TNRC6B: variants seen among roughly 807,000 people sequenced by gnomAD.
TNRC6B encodes trinucleotide repeat-containing gene 6B protein.
In TNRC6B, 52 loss-of-function variants were observed where a neutral mutation model predicts 203.6. The observed-to-expected ratio is 0.26, with a 90% CI of 0.20 to 0.32. The LOEUF (loss-of-function observed/expected upper bound fraction) is 0.32. TNRC6B is among the 10% of genes least tolerant of loss of function. The pLI is 1.00. For missense variants in TNRC6B, 1,923 were observed against 2,286.2 expected (o/e 0.84, Z 3.24); for synonymous variants, 838 against 845.7 (o/e 0.99, Z 0.16).
intron 12 of TNRC6B, among the ~76,000 whole-genome samples, chr22:40,287,123 C>T (rs576317516): frequency 6.6e-6 from 1 of 152,232 alleles, no homozygotes; most frequent in South Asian, 2.1e-4. Flanking sequence ...AGTCCTCCCT[C>T]CTCAGCCTCC....
rs531016657 is a variant in TNRC6B at position 40,266,876 on chromosome 22, A to T, written c.2646A>T (p.Ser882=). 3.7e-6 allele frequency: 6 copies of T among 1,614,004 alleles called. No individual in the cohort carries two copies. The South Asian group carries it at 5.5e-5, about 15-fold the overall frequency. The part of the protein sequence containing the change: ...PSGWEEPSPQ[S]ISRKMDIDDG... ...GTTGGGAAGAGCCATCCCCACAGTCAATTAGTCGGAAAATGGACATTGATG... is the reference window on the plus strand; with the variant it reads ...GTTGGGAAGAGCCATCCCCACAGTCTATTAGTCGGAAAATGGACATTGATG... Residue 882 remains serine, a synonymous_variant, in exon 5 of 23, where the codon TCA becomes TCT. Transcript: ENST00000454349.
intron 1 of TNRC6B, among the ~76,000 whole-genome samples, chr22:40,193,518 C>T (rs768620585): frequency 6.6e-6 from 1 of 152,192 alleles, no homozygotes; most frequent in East Asian, 1.9e-4. Context: ...GCATTGAAGG[C>T]GTGAGGATGA....
intron 1 of TNRC6B, among the ~76,000 whole-genome samples, chr22:40,203,257 G>C (rs2069437072): frequency 1.3e-5 from 2 of 152,090 alleles, no homozygotes; most frequent in African/African-American, 4.8e-5. Context: ...GTCACAGCAT[G>C]CCAGGCTTAC....
At chr22:40,138,033 C>T (rs2068615402) in intron 3 of TNRC6B, among the ~76,000 whole-genome samples, 2 of 150,126 alleles carry the variant, frequency 1.3e-5, no homozygotes, top group African/African-American at 4.9e-5. Flanking sequence ...GAAATGATTA[C>T]CAACAGGCTG....
intron 2 of TNRC6B, among the ~76,000 whole-genome samples, chr22:40,117,860 T>G (rs1980422677): frequency 6.6e-6 from 1 of 152,182 alleles, no homozygotes; most frequent in Non-Finnish European, 1.5e-5. Context: ...TATTTTATAT[T>G]AAAGTTGTTT....
At chr22:40,054,156 CAGT>C (rs2067773511) in intron 1 of TNRC6B, among the ~76,000 whole-genome samples, 1 of 152,192 alleles carries the variant, frequency 6.6e-6, no homozygotes, top group African/African-American at 2.4e-5. Flanking sequence ...GCAGAGGTTG[CAGT>C]CAGCCGAGAT....
rs760072136 is a variant in TNRC6B, at chr22:40,300,523, C to T, written c.3777C>T (p.Pro1259=). The T allele has an allele frequency of 2.9e-5, 47 of 1,613,106 alleles. 1 individual carries two copies. The highest frequency in any genetic ancestry group is 7.6e-6 in the Non-Finnish European group (9 of 1,179,654). ...GTCCAGGTCTTTTCAATGTGGGGCC[C>T]CAGTTATCTCCTCAACAAATTGCCA... is the stretch of plus-strand genomic sequence containing the variant. The part of the protein sequence containing the change: ...GLSPGLFNVG[P]QLSPQQIAML... The change falls in exon 13 of 23, where the codon CCC becomes CCT. Residue 1259 remains proline, a synonymous_variant. Transcript: ENST00000454349.
chr22:40,280,192 G>A, intron 10 of TNRC6B, 49 bp downstream of exon 10: 2 of 1,566,108 alleles, frequency 1.3e-6, no homozygotes, highest in South Asian at 2.3e-5. Context: ...AACCGCTTTG[G>A]TTCCCATTTG....
chr22:40,307,100 G>A (rs1439568333), intron 15 of TNRC6B, among the ~76,000 whole-genome samples: 1 of 141,486 alleles, frequency 7.1e-6, no homozygotes, highest in African/African-American at 2.7e-5. Flanking sequence ...TACAGAGTGT[G>A]AAAGAACACT....
intron 12 of TNRC6B, among the ~76,000 whole-genome samples, chr22:40,295,340 G>A (rs1248684797): frequency 6.6e-6 from 1 of 152,098 alleles, no homozygotes; most frequent in African/African-American, 2.4e-5. Flanking sequence ...TAAGCGTGGT[G>A]GCGGGCACCC....
intron 4 of TNRC6B, among the ~76,000 whole-genome samples, chr22:40,164,043 C>T (rs1326091909): frequency 6.6e-6 from 1 of 152,012 alleles, no homozygotes; most frequent in Non-Finnish European, 1.5e-5. Flanking sequence ...CCCTCTTCTA[C>T]ACACTCACTT....
At chr22:40,224,001 G>C (rs1434673743) in intron 1 of TNRC6B, among the ~76,000 whole-genome samples, 1 of 151,918 alleles carries the variant, frequency 6.6e-6, no homozygotes, top group Non-Finnish European at 1.5e-5. Context: ...GTGTACTTTG[G>C]TGTTGTTTTG....
intron 3 of TNRC6B, among the ~76,000 whole-genome samples, chr22:40,260,069 G>A (rs768646580): frequency 5.3e-5 from 8 of 152,116 alleles, no homozygotes; most frequent in Admixed American, 1.3e-4. Context: ...GCGGTTTCAC[G>A]GTTGCCCCGA....
intron 3 of TNRC6B, among the ~76,000 whole-genome samples, chr22:40,151,483 T>G (rs547245537): frequency 4.9e-5 from 7 of 143,808 alleles, no homozygotes; most frequent in African/African-American, 1.8e-4. Flanking sequence ...GAGGTTGCAA[T>G]GAGCTGAGAT....
At chr22:40,301,670 T>G (rs753966532) in intron 15 of TNRC6B, among the ~76,000 whole-genome samples, 57 of 152,184 alleles carry the variant, frequency 3.7e-4, no homozygotes, top group Non-Finnish European at 6.2e-4. Flanking sequence ...TTCATCCCTT[T>G]CTAAGGCTGG....
chr22:40,302,332 G>A (rs1298953210), intron 15 of TNRC6B, among the ~76,000 whole-genome samples: 2 of 152,020 alleles, frequency 1.3e-5, no homozygotes, highest in East Asian at 1.9e-4. Flanking sequence ...ACTGTTCTAC[G>A]CACACTCAAA....
At chr22:40,235,036 G>A (rs1412369027) in intron 1 of TNRC6B, among the ~76,000 whole-genome samples, 11 of 152,020 alleles carry the variant, frequency 7.2e-5, no homozygotes, top group Admixed American at 2.6e-4. Flanking sequence ...TCTCTTCATT[G>A]TACTCCTTTG....
At chr22:40,216,773 G>A (rs1357626454) in intron 1 of TNRC6B, among the ~76,000 whole-genome samples, 3 of 152,190 alleles carry the variant, frequency 2.0e-5, no homozygotes, top group African/African-American at 7.2e-5. Context: ...TGGAAATAAT[G>A]TATGTTAGGT....
At chr22:40,207,081 A>C (rs903193287) in intron 1 of TNRC6B, among the ~76,000 whole-genome samples, 8 of 152,232 alleles carry the variant, frequency 5.3e-5, no homozygotes, top group Non-Finnish European at 1.2e-4. Flanking sequence ...GAGCTGCATC[A>C]CTTCAGTTTC....
Sources: gnomAD v4.1 joint callset for allele counts (sites outside exome capture counted in the v4.1 genomes callset) on GRCh38, gnomAD v4.1.1 for gene constraint, MANE v1.5 for transcripts, NCBI Gene and HGNC (gene_info 2026-07-23, HGNC 2026-07-21) for gene names.